The following ITGA1 variants were observed in gnomAD, a reference collection of about 807,000 sequenced individuals.
ITGA1 encodes the protein integrin alpha-1.
Under a neutral mutation model 145.9 loss-of-function variants are expected in ITGA1, and 85 were observed. That is an observed-to-expected ratio of 0.58 (90% CI 0.49 to 0.70). The LOEUF (loss-of-function observed/expected upper bound fraction) is 0.70, where lower values mean the gene tolerates loss of function less well. ITGA1 is among the 30% of genes least tolerant of loss of function. ITGA1 has a pLI of 0.00. For synonymous variants in ITGA1, 520 were observed against 495.3 expected, an observed-to-expected ratio of 1.05 and a Z score of -0.66; for missense variants, 1,351 against 1,418.7, an observed-to-expected ratio of 0.95 and a Z score of 0.77.
intron 14 of ITGA1, among the ~76,000 whole-genome samples, chr5:52,910,875 A>G (rs569918693): frequency 3.3e-4 from 46 of 140,306 alleles, no homozygotes; most frequent in African/African-American, 1.2e-3. Flanking sequence ...TATATAGTAT[A>G]TATGGTATGT....
chr5:52,807,536 A>G (rs903131411), intron 1 of ITGA1, among the ~76,000 whole-genome samples: 5 of 152,226 alleles, frequency 3.3e-5, no homozygotes, highest in Non-Finnish European at 5.9e-5. Flanking sequence ...CTCAGCTTTC[A>G]GTTTGGAGTA....
intron 23 of ITGA1, among the ~76,000 whole-genome samples, chr5:52,936,710 C>G (rs1750969832): frequency 6.6e-6 from 1 of 152,178 alleles, no homozygotes; most frequent in Admixed American, 6.5e-5. Context: ...CCACCTTTCC[C>G]TCTGAGCTAC....
chr5:52,896,965 T>G (rs189092798), intron 9 of ITGA1, among the ~76,000 whole-genome samples: 1 of 152,254 alleles, frequency 6.6e-6, no homozygotes, highest in East Asian at 1.9e-4. Flanking sequence ...TCTGACAGAA[T>G]CTATGGCCTG....
At chr5:52,881,755 A>C (rs1051421959) in intron 6 of ITGA1, 118 bp from the exon 7 acceptor site, 17 of 799,250 alleles carry the variant, frequency 2.1e-5, no homozygotes, top group Non-Finnish European at 3.3e-5. Flanking sequence ...GCATTTGTGT[A>C]CTGATAGGTT....
intron 24 of ITGA1, among the ~76,000 whole-genome samples, chr5:52,938,430 T>C (rs1268977174): frequency 6.6e-6 from 1 of 152,222 alleles, no homozygotes; most frequent in Non-Finnish European, 1.5e-5. Flanking sequence ...TGTCTTTTCA[T>C]GCATTTTTTA....
At chr5:52,912,303 T>C (rs1319838578) in intron 14 of ITGA1, among the ~76,000 whole-genome samples, 2 of 145,398 alleles carry the variant, frequency 1.4e-5, no homozygotes, top group African/African-American at 5.0e-5. Flanking sequence ...ATATACTATA[T>C]ATCTACTATA....
chr5:52,808,829 T>A (rs1748639677), intron 1 of ITGA1, among the ~76,000 whole-genome samples: 1 of 152,102 alleles, frequency 6.6e-6, no homozygotes, highest in South Asian at 2.1e-4. Context: ...GTTACAGATT[T>A]AAGCCAGCCC....
intron 6 of ITGA1, among the ~76,000 whole-genome samples, chr5:52,875,951 A>G (rs1302060878): frequency 6.6e-6 from 1 of 151,870 alleles, no homozygotes; most frequent in Non-Finnish European, 1.5e-5. Context: ...ATCATCTTTG[A>G]CATATTTTCC....
intron 28 of ITGA1, among the ~76,000 whole-genome samples, chr5:52,951,770 A>C (rs943095486): frequency 1.2e-4 from 19 of 152,244 alleles, no homozygotes; most frequent in African/African-American, 4.6e-4. Flanking sequence ...GATGATGGCA[A>C]AGAAGAGACA....
chr5:52,951,740 GC>G (rs1751224262), intron 28 of ITGA1, among the ~76,000 whole-genome samples: 1 of 151,936 alleles, frequency 6.6e-6, no homozygotes, highest in Non-Finnish European at 1.5e-5. Context: ...AAATTTCTCT[GC>G]CACATCCCTG....
At chr5:52,922,278 G>C (rs1039125113) in intron 17 of ITGA1, among the ~76,000 whole-genome samples, 25 of 148,106 alleles carry the variant, frequency 1.7e-4, no homozygotes, top group African/African-American at 6.1e-4. Flanking sequence ...TCCAGCCTGG[G>C]TGACAGAGAG....
chr5:52,837,528 C>G (rs945966455), intron 1 of ITGA1, among the ~76,000 whole-genome samples: 3 of 152,102 alleles, frequency 2.0e-5, no homozygotes, highest in Admixed American at 6.6e-5. Context: ...CTCCCCTTCT[C>G]CCATGCAAAT....
At chr5:52,856,759 T>C (rs1453117423) in intron 2 of ITGA1, among the ~76,000 whole-genome samples, 5 of 152,190 alleles carry the variant, frequency 3.3e-5, no homozygotes, top group Non-Finnish European at 7.3e-5. Context: ...TTCAGTTAAC[T>C]ATTGCTGCAT....
intron 2 of ITGA1, among the ~76,000 whole-genome samples, chr5:52,860,540 G>T (rs564321275): frequency 6.6e-6 from 1 of 152,066 alleles, no homozygotes; most frequent in Non-Finnish European, 1.5e-5. Context: ...GCGAGACTCC[G>T]TCTCAAAAAA....
At position 52,922,849 on chromosome 5, in the gene ITGA1, G is replaced by C; in HGVS notation, c.2365G>C (p.Val789Leu). Residue 789 changes from valine to leucine, a missense_variant, in exon 18 of 29, where the codon GTT (valine) becomes CTT (leucine). By Grantham distance (32) the Val-to-Leu change is conservative. Transcript: ENST00000282588. ...FNLTDPENGP[V>L]LDDSLPNSVH... ...TCTTACCGATCCAGAAAATGGGCCT[G>C]TTCTTGATGATTCTCTACCAAACTC... 4.3e-6 allele frequency: 7 copies of C among 1,611,956 alleles called. No homozygotes were observed. The highest frequency in any genetic ancestry group is 5.9e-6 in the Non-Finnish European group (7 of 1,178,040).
At chr5:52,852,090 G>A (rs536860474) in intron 2 of ITGA1, among the ~76,000 whole-genome samples, 1 of 152,248 alleles carries the variant, frequency 6.6e-6, no homozygotes, top group African/African-American at 2.4e-5. Context: ...TTCAATATGA[G>A]AAGAAAAATG....
In ITGA1 at chr5:52,914,765, C is replaced by T. The variant is rs148242099; in HGVS notation, c.1858-699C>T. Among the ~76,000 whole-genome samples the T allele has an allele frequency of 1.6e-4, 25 of 152,338 alleles. No homozygotes were observed. The East Asian group carries it at 4.2e-3, about 26-fold the overall frequency. ...AGGGAGGGTTTGTAAGTCCTGACTG[C>T]TTGCCATGGGCTTCTGTTAAAAGCA... On this transcript the variant is annotated intron_variant, in intron 14 of 28. Coordinates refer to ENST00000282588, the MANE Select transcript of ITGA1 (RefSeq NM_181501.2).
At chr5:52,846,039 T>A (rs1219570335) in intron 1 of ITGA1, among the ~76,000 whole-genome samples, 1 of 152,138 alleles carries the variant, frequency 6.6e-6, no homozygotes, top group African/African-American at 2.4e-5. Flanking sequence ...CTAGGCTGTA[T>A]ATCGCCTATG....
At chr5:52,901,127 G>A (rs557723663) in intron 11 of ITGA1, among the ~76,000 whole-genome samples, 1 of 152,258 alleles carries the variant, frequency 6.6e-6, no homozygotes, top group Admixed American at 6.5e-5. Context: ...CTAAAAATCA[G>A]AGAACCTCTC....
Sources: allele counts gnomAD v4.1 joint callset (sites outside exome capture counted in the v4.1 genomes callset), GRCh38; gene constraint gnomAD v4.1.1; transcripts MANE v1.5; gene names NCBI Gene and HGNC (gene_info 2026-07-23, HGNC 2026-07-21).